Variants in PTPRQ observed in about 807,000 individuals in gnomAD.
PTPRQ encodes the protein phosphatidylinositol phosphatase PTPRQ.
PTPRQ carries 199 observed loss-of-function variants against 246.0 expected under a neutral mutation model. The observed-to-expected ratio is 0.81, with a 90% CI of 0.72 to 0.91. The LOEUF is 0.91. Among genes scored for constraint, PTPRQ ranks in the 40% least tolerant of loss-of-function variants. PTPRQ has a pLI of 0.00. For synonymous variants in PTPRQ, 869 were observed against 853.2 expected (o/e 1.02, Z -0.32); for missense variants, 2,624 against 2,528.4 (o/e 1.04, Z -0.81).
rs528221231 is a variant in PTPRQ at position 80,654,961 on chromosome 12, T to C, written c.6115+2127T>C. 1.6e-4 allele frequency among the ~76,000 whole-genome samples: 25 copies of C among 152,262 alleles called. No homozygotes were observed. In the East Asian group the frequency reaches 4.4e-3, roughly 27 times the overall value. On this transcript the variant is annotated intron_variant, in intron 38 of 44. Transcript: ENST00000644991. Reference sequence around the variant, plus strand: ...TCCAAGGAGTGTCTAATTTGAAATATGTAAAATTTGATAGATCAGAAAGTT... The same window carrying C: ...TCCAAGGAGTGTCTAATTTGAAATACGTAAAATTTGATAGATCAGAAAGTT...
chr12:80,605,677 G>C (rs1053440511), intron 27 of PTPRQ, among the ~76,000 whole-genome samples: 2 of 150,952 alleles, frequency 1.3e-5, no homozygotes, highest in Non-Finnish European at 3.0e-5. Context: ...AAGGTAAATG[G>C]GAATAGGGGT....
intron 3 of PTPRQ, 36 bp downstream of exon 3, chr12:80,445,753 C>A: frequency 7.6e-7 from 1 of 1,320,508 alleles, no homozygotes; most frequent in Non-Finnish European, 1.1e-6. Flanking sequence ...AGTGTTCAAA[C>A]ATTTCATTCA....
chr12:80,480,715 AC>A (rs1894013736), intron 8 of PTPRQ, among the ~76,000 whole-genome samples: 1 of 152,212 alleles, frequency 6.6e-6, no homozygotes, highest in African/African-American at 2.4e-5. Context: ...CCACAGAAAT[AC>A]AAACTACCAT....
chr12:80,582,488 C>T (rs1897475107), intron 25 of PTPRQ, among the ~76,000 whole-genome samples: 1 of 152,106 alleles, frequency 6.6e-6, no homozygotes, highest in Admixed American at 6.5e-5. Flanking sequence ...GTAGAACCCT[C>T]ATGAATGGGA....
intron 33 of PTPRQ, among the ~76,000 whole-genome samples, chr12:80,622,976 G>A (rs1475411777): frequency 6.6e-6 from 1 of 152,030 alleles, no homozygotes; most frequent in Non-Finnish European, 1.5e-5. Context: ...TTCACTGAGA[G>A]GATCACAACA....
At chr12:80,593,091 T>G (rs1303209814) in intron 26 of PTPRQ, among the ~76,000 whole-genome samples, 2 of 152,176 alleles carry the variant, frequency 1.3e-5, no homozygotes, top group Admixed American at 1.3e-4. Context: ...GAGAAAAGAC[T>G]AAACAACAAT....
intron 25 of PTPRQ, among the ~76,000 whole-genome samples, chr12:80,552,646 TATATATATATA>T (rs1422423040): frequency 4.9e-3 from 3 of 618 alleles, no homozygotes; most frequent in Admixed American, 0.03. Flanking sequence ...AAAAAAAAAT[TATATATATATA>T]TATATATATA....
chr12:80,489,673 A>G (rs920452082), intron 9 of PTPRQ, among the ~76,000 whole-genome samples: 1 of 151,912 alleles, frequency 6.6e-6, no homozygotes, highest in South Asian at 2.1e-4. Flanking sequence ...CAAATTGAGC[A>G]TAATTATTTT....
intron 9 of PTPRQ, among the ~76,000 whole-genome samples, chr12:80,488,012 A>G (rs1171790162): frequency 1.3e-5 from 2 of 151,228 alleles, no homozygotes; most frequent in Non-Finnish European, 2.9e-5. Context: ...GTTTTGGCAG[A>G]TTTTATTTCC....
At chr12:80,500,028 T>A (rs1894749384) in intron 14 of PTPRQ, among the ~76,000 whole-genome samples, 1 of 152,028 alleles carries the variant, frequency 6.6e-6, no homozygotes, top group Admixed American at 6.6e-5. Context: ...CATGAGTGGA[T>A]AATAACTTAG....
intron 36 of PTPRQ, among the ~76,000 whole-genome samples, chr12:80,649,380 A>G (rs1165349792): frequency 6.6e-6 from 1 of 152,156 alleles, no homozygotes; most frequent in Non-Finnish European, 1.5e-5. Flanking sequence ...AATTGAAGGA[A>G]TTTTGTGCCA....
At chr12:80,482,420 C>A (rs1436147934) in intron 8 of PTPRQ, among the ~76,000 whole-genome samples, 1 of 152,032 alleles carries the variant, frequency 6.6e-6, no homozygotes, top group Admixed American at 6.6e-5. Flanking sequence ...ACCATAAAAA[C>A]CCTAGAAGAA....
chr12:80,594,831 A>G (rs1175636608), intron 26 of PTPRQ, among the ~76,000 whole-genome samples: 1 of 152,122 alleles, frequency 6.6e-6, no homozygotes, highest in Admixed American at 6.5e-5. Context: ...TCTCTTAGAT[A>G]ATTACAAAAG....
intron 25 of PTPRQ, among the ~76,000 whole-genome samples, chr12:80,578,433 C>A (rs952455085): frequency 1.3e-5 from 2 of 151,814 alleles, no homozygotes; most frequent in African/African-American, 2.4e-5. Flanking sequence ...CTCTGTCGCC[C>A]GGGCTGGAGT....
chr12:80,519,581 C>G (rs1007799929), intron 17 of PTPRQ, among the ~76,000 whole-genome samples: 8 of 152,060 alleles, frequency 5.3e-5, no homozygotes, highest in African/African-American at 1.9e-4. Context: ...AAAGGGTTAG[C>G]TAAACATACA....
intron 25 of PTPRQ, among the ~76,000 whole-genome samples, chr12:80,570,394 C>T (rs963175963): frequency 2.6e-5 from 4 of 152,090 alleles, no homozygotes; most frequent in Admixed American, 6.6e-5. Context: ...TGATAAATGT[C>T]TGTTCATATC....
Position 80,495,046 on chromosome 12 carries a change from A to G in PTPRQ, c.1654A>G (p.Met552Val). 1.4e-5 allele frequency: 22 copies of G among 1,550,532 alleles called. No individual in the cohort carries two copies. The highest frequency in any genetic ancestry group is 1.9e-5 in the Non-Finnish European group (22 of 1,146,234). Residue 552 changes from methionine to valine, a missense_variant, in exon 11 of 45, where the codon ATG (methionine) becomes GTG (valine). By Grantham distance (21) the Met-to-Val change is conservative. Coordinates refer to ENST00000644991, the MANE Select transcript of PTPRQ (RefSeq NM_001145026.2). ...GATTAGTGTATCTGCTTTCACCATC[A>G]TGGGAGAAGGACCACCAACAGTTCT... ...HMISVSAFTI[M>V]GEGPPTVLSV...
In PTPRQ at chr12:80,480,477, AG is replaced by A. The variant is rs1592561346; in HGVS notation, c.1187-3955del. 2.0e-5 allele frequency among the ~76,000 whole-genome samples: 3 copies of A among 149,776 alleles called. No individual in the cohort carries two copies. In the East Asian group the frequency reaches 5.8e-4, roughly 29 times the overall value. On this transcript the variant is annotated intron_variant, in intron 8 of 44. Coordinates refer to ENST00000644991, the MANE Select transcript of PTPRQ (RefSeq NM_001145026.2). Reference sequence around the variant, plus strand: ...CAATTAAAAGAACTAGAAAAGCAAGAGCAAACACATTCAAAAGCTAGCAGAA... The same window carrying A: ...CAATTAAAAGAACTAGAAAAGCAAGACAAACACATTCAAAAGCTAGCAGAA...
intron 41 of PTPRQ, 102 bp from the exon 42 acceptor site, chr12:80,670,242 T>A: frequency 6.8e-7 from 1 of 1,470,892 alleles, no homozygotes; most frequent in Non-Finnish European, 9.1e-7. Flanking sequence ...TGGTAAATAG[T>A]CATTTTTAAA....
Sources: allele counts gnomAD v4.1 joint callset (sites outside exome capture counted in the v4.1 genomes callset), GRCh38; gene constraint gnomAD v4.1.1; transcripts MANE v1.5; gene names NCBI Gene and HGNC (gene_info 2026-07-23, HGNC 2026-07-21).